Variants in EYA1 observed in about 807,000 individuals in gnomAD.
EYA1 encodes the protein EYA transcriptional coactivator and phosphatase 1, also known as protein phosphatase EYA1.
A neutral mutation model predicts 82.0 loss-of-function variants in EYA1; 16 were observed. The observed-to-expected ratio is 0.20, with a 90% CI of 0.13 to 0.30. The LOEUF (loss-of-function observed/expected upper bound fraction) is 0.30. EYA1 is among the 10% of genes least tolerant of loss of function. The pLI, the probability that EYA1 is intolerant of heterozygous loss-of-function variation, is 1.00. For missense variants in EYA1, 633 were observed against 730.7 expected (o/e 0.87, Z 1.54); for synonymous variants, 261 against 264.4 (o/e 0.99, Z 0.12).
At chr8:71,375,347 A>T (rs1005809383) in intron 2 of EYA1, among the ~76,000 whole-genome samples, 1 of 152,110 alleles carries the variant, frequency 6.6e-6, no homozygotes, top group Non-Finnish European at 1.5e-5. Context: ...AATGCCAAAC[A>T]TTGATCCAAC....
intron 2 of EYA1, among the ~76,000 whole-genome samples, chr8:71,396,973 T>C (rs925297120): frequency 6.6e-6 from 1 of 152,236 alleles, no homozygotes; most frequent in Non-Finnish European, 1.5e-5. Flanking sequence ...TGGGTGCTCC[T>C]GTATTGGATG....
Position 71,516,172 on chromosome 8 carries a change from C to G in EYA1, c.33+19572G>C, listed in dbSNP as rs113375796. 1.4e-3 allele frequency among the ~76,000 whole-genome samples: 218 copies of G among 152,220 alleles called. 2 individuals carry two copies. The highest frequency in any genetic ancestry group is 5.0e-3 in the African/African-American group (207 of 41,544). On this transcript the variant is annotated intron_variant, in intron 2 of 18. Transcript: ENST00000643681. ...CATACAGTTTGTCTTTTCTCATGTA[C>G]TCTGTTTATTCTTTCATTCATTTAT... is the stretch of plus-strand genomic sequence containing the variant.
chr8:71,404,363 C>G (rs1012498789), intron 2 of EYA1: 1 of 152,136 alleles, frequency 6.6e-6, no homozygotes, highest in Admixed American at 6.5e-5. Context: ...TGGCTTGCTA[C>G]TAAGATTTTT....
chr8:71,212,479 G>A (rs1808636664), intron 16 of EYA1, among the ~76,000 whole-genome samples: 16 of 152,134 alleles, frequency 1.1e-4, no homozygotes, highest in Admixed American at 1.0e-3. Flanking sequence ...ATGCGTTTTT[G>A]CAAAGTTTCC....
chr8:71,304,648 T>C (rs1264507701), intron 7 of EYA1, among the ~76,000 whole-genome samples: 2 of 142,592 alleles, frequency 1.4e-5, no homozygotes, highest in Admixed American at 1.4e-4. Context: ...GTTATAGCAA[T>C]TGCTTCAAAA....
intron 11 of EYA1, among the ~76,000 whole-genome samples, chr8:71,269,104 A>G (rs1056209696): frequency 1.3e-5 from 2 of 152,184 alleles, no homozygotes; most frequent in African/African-American, 4.8e-5. Context: ...AGAAATTCCA[A>G]ACTTTTGGGA....
intron 3 of EYA1, among the ~76,000 whole-genome samples, chr8:71,351,737 G>A (rs555853810): frequency 6.6e-6 from 1 of 152,292 alleles, no homozygotes; most frequent in Admixed American, 6.5e-5. Context: ...GCAGACTTAA[G>A]AAGAAACTTA....
intron 9 of EYA1, among the ~76,000 whole-genome samples, chr8:71,276,069 GAT>G (rs1182020285): frequency 3.3e-5 from 5 of 152,112 alleles, no homozygotes; most frequent in Non-Finnish European, 5.9e-5. Flanking sequence ...TTTGCATCAG[GAT>G]ATGAATCAAC....
intron 2 of EYA1, among the ~76,000 whole-genome samples, chr8:71,408,924 T>C (rs941938154): frequency 1.7e-4 from 19 of 110,698 alleles, no homozygotes; most frequent in East Asian, 8.9e-4. Context: ...ATATACATTT[T>C]TTTCAGCACC....
chr8:71,272,033 C>T, intron 9 of EYA1, 136 bp from the exon 10 acceptor site: 8 of 904,124 alleles, frequency 8.8e-6, no homozygotes, highest in Non-Finnish European at 1.5e-5. Context: ...TCGTCTTTTA[C>T]TTGCGCTGGT....
At chr8:71,368,449 G>A (rs1827886360) in intron 2 of EYA1, among the ~76,000 whole-genome samples, 1 of 151,950 alleles carries the variant, frequency 6.6e-6, no homozygotes, top group Admixed American at 6.6e-5. Context: ...GTGGATGCAG[G>A]GGAGTGGGTA....
At chr8:71,356,273 C>T (rs922920830) in intron 2 of EYA1, among the ~76,000 whole-genome samples, 189 bp downstream of exon 2, 1 of 152,176 alleles carries the variant, frequency 6.6e-6, no homozygotes, top group African/African-American at 2.4e-5. Context: ...TAATTATTTT[C>T]AAACCGAGGC....
chr8:71,206,080 AG>A, intron 17 of EYA1, among the ~76,000 whole-genome samples: 1 of 152,340 alleles, frequency 6.6e-6, no homozygotes, highest in African/African-American at 2.4e-5. Flanking sequence ...AGGGGAAAGA[AG>A]ACACTTATAT....
chr8:71,437,868 C>A (rs760212671), intron 2 of EYA1, among the ~76,000 whole-genome samples: 16 of 151,826 alleles, frequency 1.1e-4, no homozygotes, highest in Non-Finnish European at 2.4e-4. Flanking sequence ...GGAAAAACAA[C>A]TTTTGATAGA....
intron 2 of EYA1, among the ~76,000 whole-genome samples, chr8:71,416,757 A>C (rs554688933): frequency 3.3e-5 from 5 of 152,304 alleles, no homozygotes; most frequent in African/African-American, 1.2e-4. Flanking sequence ...ACTGAATCAC[A>C]TTTGTATTGT....
At chr8:71,533,937 G>A (rs538216148) in intron 2 of EYA1, among the ~76,000 whole-genome samples, 2 of 152,292 alleles carry the variant, frequency 1.3e-5, no homozygotes, top group Admixed American at 6.5e-5. Context: ...AAAATGAGAT[G>A]CAATTAGATT....
At chr8:71,264,932 C>T (rs372110085) in intron 11 of EYA1, among the ~76,000 whole-genome samples, 3 of 152,146 alleles carry the variant, frequency 2.0e-5, no homozygotes, top group African/African-American at 7.2e-5. Flanking sequence ...AGTCACGTAG[C>T]TGGCTTTATG....
intron 3 of EYA1, among the ~76,000 whole-genome samples, chr8:71,349,914 A>C (rs1022334840): frequency 6.6e-6 from 1 of 152,270 alleles, no homozygotes; most frequent in African/African-American, 2.4e-5. Flanking sequence ...ATTATAATTT[A>C]TTAGCAACAG....
intron 2 of EYA1, among the ~76,000 whole-genome samples, chr8:71,393,735 A>G (rs1030199185): frequency 2.0e-5 from 3 of 152,212 alleles, no homozygotes; most frequent in African/African-American, 7.2e-5. Context: ...GCTATTGTGA[A>G]TAGTGCCACA....
Sources: gnomAD v4.1 joint callset for allele counts (sites outside exome capture counted in the v4.1 genomes callset) on GRCh38, gnomAD v4.1.1 for gene constraint, MANE v1.5 for transcripts, NCBI Gene and HGNC (gene_info 2026-07-23, HGNC 2026-07-21) for gene names.